VWA2: variants seen among roughly 807,000 people sequenced by gnomAD.
VWA2 encodes the protein von Willebrand factor A domain containing 2, also known as von Willebrand factor A domain-containing protein 2.
Under a neutral mutation model 70.4 loss-of-function variants are expected in VWA2, and 73 were observed. The observed-to-expected ratio is 1.04, with a 90% confidence interval of 0.86 to 1.26. The LOEUF (loss-of-function observed/expected upper bound fraction) is 1.26. Among genes scored for constraint, VWA2 ranks in the 50% most tolerant of loss-of-function variants. VWA2 has a pLI of 0.00. For synonymous variants in VWA2, 407 were observed against 423.3 expected (o/e 0.96, Z 0.47); for missense variants, 1,011 against 998.5 (o/e 1.01, Z -0.17).
intron 5 of VWA2, among the ~76,000 whole-genome samples, chr10:114,270,196 G>A (rs745473671): frequency 2.4e-4 from 36 of 152,140 alleles, no homozygotes; most frequent in Non-Finnish European, 5.0e-4. Context: ...ACCTCCACTA[G>A]CCAGATGAGA....
At chr10:114,261,477 A>G (rs961892570) in intron 5 of VWA2, among the ~76,000 whole-genome samples, 182 bp downstream of exon 5, 1 of 152,162 alleles carries the variant, frequency 6.6e-6, no homozygotes, top group Admixed American at 6.5e-5. Flanking sequence ...TTATTGCATG[A>G]TAATGTCCCA....
intron 4 of VWA2, among the ~76,000 whole-genome samples, chr10:114,258,074 A>G (rs1267053043): frequency 6.6e-6 from 1 of 152,192 alleles, no homozygotes; most frequent in Non-Finnish European, 1.5e-5. Context: ...TACTTGGGTA[A>G]GTGAATTAGT....
chr10:114,255,913 C>T (rs1463350662), intron 4 of VWA2, among the ~76,000 whole-genome samples: 1 of 152,150 alleles, frequency 6.6e-6, no homozygotes, highest in Non-Finnish European at 1.5e-5. Flanking sequence ...GCCTAATATA[C>T]AGTTTTTCAC....
Position 114,289,459 on chromosome 10 carries a change from C to G in VWA2, c.2092C>G (p.Gln698Glu). 1.2e-6 allele frequency: 2 copies of G among 1,614,194 alleles called. No individual in the cohort carries two copies. The highest frequency in any genetic ancestry group is 1.7e-6 in the Non-Finnish European group (2 of 1,180,038). ...AGCTTACGCCGACCTGCGGTACCAC[C>G]AGGACGTGCTCATTGAGTGGCTGTG... ...VAAYADLRYH[Q>E]DVLIEWLCGE... is the part of the protein sequence containing the mutation. The change falls in exon 12 of 14, where the codon CAG becomes GAG. Residue 698 changes from glutamine to glutamate, a missense_variant. By Grantham distance (29) the Gln-to-Glu change is conservative. Coordinates refer to ENST00000392982, the MANE Select transcript of VWA2 (RefSeq NM_001272046.2).
intron 8 of VWA2, among the ~76,000 whole-genome samples, chr10:114,282,138 G>A (rs2038210943): frequency 6.6e-6 from 1 of 151,920 alleles, no homozygotes. Flanking sequence ...TGCTAAGCTG[G>A]GATTACAGGC....
chr10:114,248,645 C>CT, intron 1 of VWA2, 59 bp from the exon 2 acceptor site: 1 of 1,464,630 alleles, frequency 6.8e-7, no homozygotes, highest in Admixed American at 1.7e-5. Flanking sequence ...GGCGGTGTGA[C>CT]TTGGGGCGTT....
chr10:114,288,976 G>A lies in VWA2; in HGVS notation c.1609G>A (p.Asp537Asn), dbSNP rs750452924. The A allele has an allele frequency of 1.9e-6, 3 of 1,613,660 alleles. No individual in the cohort carries two copies. The South Asian group carries it at 3.3e-5, about 18-fold the overall frequency. ...TQALDLVFML[D>N]TSASVGPENF... is the part of the protein sequence containing the mutation. ...AGCCCTGGACCTCGTCTTCATGTTG[G>A]ACACCTCTGCCTCAGTAGGGCCCGA... Residue 537 changes from aspartate (D) to asparagine (N), a missense_variant, in exon 12 of 14, where the codon GAC becomes AAC. Physicochemically the swap from Asp to Asn is conservative, Grantham distance 23. Coordinates refer to ENST00000392982, the MANE Select transcript of VWA2 (RefSeq NM_001272046.2).
intron 5 of VWA2, among the ~76,000 whole-genome samples, chr10:114,261,783 G>A (rs2037449965): frequency 6.6e-6 from 1 of 152,200 alleles, no homozygotes; most frequent in African/African-American, 2.4e-5. Flanking sequence ...CACCTTATGT[G>A]TTAGTCTGTT....
intron 5 of VWA2, among the ~76,000 whole-genome samples, chr10:114,270,268 G>A (rs1207416874): frequency 6.6e-6 from 1 of 152,178 alleles, no homozygotes; most frequent in Non-Finnish European, 1.5e-5. Context: ...GAAGTGGAGG[G>A]CCCTGGGTTC....
intron 6 of VWA2, among the ~76,000 whole-genome samples, chr10:114,276,634 A>G (rs2037848934): frequency 6.6e-6 from 1 of 151,484 alleles, no homozygotes; most frequent in South Asian, 2.1e-4. Context: ...AAGTAGCTGA[A>G]GTAGCTGGGA....
chr10:114,254,269 G>A (rs1033386855), intron 3 of VWA2, among the ~76,000 whole-genome samples: 23 of 151,662 alleles, frequency 1.5e-4, no homozygotes, highest in Non-Finnish European at 4.4e-5. Flanking sequence ...ATGGGGTTTC[G>A]CCATGTTACC....
intron 8 of VWA2, 28 bp downstream of exon 8, chr10:114,278,879 T>C: frequency 6.2e-7 from 1 of 1,610,662 alleles, no homozygotes; most frequent in Non-Finnish European, 8.5e-7. Context: ...GGGCTCGGCC[T>C]GGGTGGAGAT....
At chr10:114,274,003 A>G (rs1281680352) in intron 6 of VWA2, among the ~76,000 whole-genome samples, 1 of 152,214 alleles carries the variant, frequency 6.6e-6, no homozygotes, top group East Asian at 1.9e-4. Context: ...TTGAGCAGAA[A>G]CTTGAGTGAA....
Position 114,272,898 on chromosome 10 carries a change from G to A in VWA2, c.530G>A (p.Gly177Asp), listed in dbSNP as rs752390268. The A allele has an allele frequency of 1.2e-6, 2 of 1,613,534 alleles. No homozygotes were observed. The highest frequency in any genetic ancestry group is 1.7e-6 in the Non-Finnish European group (2 of 1,179,704). ...ALPSKQLKERGVTVFAVGVRF... is the reference protein window; with the variant it reads ...ALPSKQLKERDVTVFAVGVRF... The stretch of plus-strand genomic sequence containing the variant: ...CCATCCAAGCAGCTGAAGGAAAGGG[G>A]TGTCACTGTGTTTGCTGTGGGGGTC... The change falls in exon 6 of 14, where the codon GGT (glycine) becomes GAT (aspartate). Residue 177 changes from glycine to aspartate, a missense_variant. Physicochemically the swap from Gly to Asp is moderately conservative, Grantham distance 94. Transcript: ENST00000392982.
intron 5 of VWA2, among the ~76,000 whole-genome samples, chr10:114,272,207 C>A (rs141372269): frequency 5.9e-5 from 9 of 152,326 alleles, no homozygotes; most frequent in Non-Finnish European, 8.8e-5. Flanking sequence ...TGGAGGTGGT[C>A]AGACAGCTCA....
At chr10:114,246,014 A>T (rs565172854) in intron 1 of VWA2, 1 of 593,790 alleles carries the variant, frequency 1.7e-6, no homozygotes, top group Admixed American at 1.9e-5. Context: ...TGGTCAGTAC[A>T]TGCTCCATCC....
chr10:114,258,971 C>G (rs1482296486), intron 4 of VWA2, among the ~76,000 whole-genome samples: 1 of 152,074 alleles, frequency 6.6e-6, no homozygotes, highest in African/African-American at 2.4e-5. Flanking sequence ...TCTAATTAAC[C>G]CCTATTGATG....
intron 7 of VWA2, 98 bp from the exon 8 acceptor site, chr10:114,278,621 C>G (rs1390497593): frequency 1.3e-6 from 2 of 1,542,690 alleles, no homozygotes; most frequent in Non-Finnish European, 1.8e-6. Flanking sequence ...TGTGGTGGAA[C>G]CTCCCAGGAG....
In VWA2 at chr10:114,272,783, C is replaced by G; in HGVS notation, c.415C>G (p.His139Asp). ...GGAACTTGCTCTGAAATACCTTCTG[C>G]ACAGAGGGTTGCCTGGAGGCAGAAA... Reference protein sequence around the residue: ...ETELALKYLLHRGLPGGRNAS... With the variant: ...ETELALKYLLDRGLPGGRNAS... Residue 139 changes from histidine (H) to aspartate (D), a missense_variant, in exon 6 of 14, where the codon CAC becomes GAC. Transcript: ENST00000392982. 6.2e-7 allele frequency: 1 copy of G among 1,613,736 alleles called. No homozygotes were observed. Among genetic ancestry groups the G allele is most frequent in the Non-Finnish European group, 8.5e-7 (1 of 1,179,860 alleles).
Sources: gnomAD v4.1 joint callset for allele counts (sites outside exome capture counted in the v4.1 genomes callset) on GRCh38, gnomAD v4.1.1 for gene constraint, MANE v1.5 for transcripts, NCBI Gene and HGNC (gene_info 2026-07-23, HGNC 2026-07-21) for gene names.